Variants in ANKDD1B observed in about 807,000 individuals in gnomAD.
The protein encoded by ANKDD1B is ankyrin repeat and death domain containing 1B.
ANKDD1B carries 57 observed loss-of-function variants against 59.7 expected under a neutral mutation model. The ratio of observed to expected loss-of-function variants is 0.95; its 90% CI spans 0.77 to 1.19. The LOEUF (loss-of-function observed/expected upper bound fraction) is 1.19, where lower values mean the gene tolerates loss of function less well. Among genes scored for constraint, ANKDD1B ranks in the 50% most tolerant of loss-of-function variants. The pLI is 0.00. For missense variants in ANKDD1B, 602 were observed against 641.9 expected (o/e 0.94, Z 0.67); for synonymous variants, 216 against 239.5 (o/e 0.90, Z 0.91).
In ANKDD1B at chr5:75,669,281, A is replaced by C; in HGVS notation, c.1423A>C (p.Arg475=). 8.1e-7 allele frequency: 1 copy of C among 1,232,162 alleles called. No homozygotes were observed. The highest frequency in any genetic ancestry group is 3.2e-5 in the East Asian group (1 of 31,714). The allele number at this position is 1,232,162 out of a possible 1,614,324, so 76.3% of individuals were successfully genotyped here. The part of the protein sequence containing the change: ...GNESFREHGH[R]ALLIWLHGTL... ...TGAAAGCTTCCGTGAACATGGCCAC[A>C]GGGCTCTGCTTATCTGGCTACACGG... The change falls in exon 13 of 14, where the codon AGG becomes CGG. Residue 475 remains arginine (R), a synonymous_variant. Transcript: ENST00000601380.
At chr5:75,612,640 C>A (rs987763093) in intron 1 of ANKDD1B, among the ~76,000 whole-genome samples, 9 of 152,066 alleles carry the variant, frequency 5.9e-5, no homozygotes, top group Non-Finnish European at 1.2e-4. Context: ...TTGGAGAGAA[C>A]AAGACAACCC....
At chr5:75,662,605 AT>A (rs983873430) in intron 10 of ANKDD1B, among the ~76,000 whole-genome samples, 61 of 152,244 alleles carry the variant, frequency 4.0e-4, no homozygotes, top group African/African-American at 1.4e-3. Flanking sequence ...AAATATTTAG[AT>A]GTTGAAGTGG....
At chr5:75,620,763 A>C (rs752481729) in intron 3 of ANKDD1B, among the ~76,000 whole-genome samples, 3 of 152,220 alleles carry the variant, frequency 2.0e-5, no homozygotes, top group Non-Finnish European at 4.4e-5. Flanking sequence ...ACTTTGCTCT[A>C]TGAACTCTGA....
chr5:75,618,282 G>C (rs1773764444), intron 2 of ANKDD1B, among the ~76,000 whole-genome samples: 2 of 152,176 alleles, frequency 1.3e-5, no homozygotes, highest in South Asian at 2.1e-4. Flanking sequence ...AAGGTTAACT[G>C]TGGGAGTAAG....
At chr5:75,632,912 G>A (rs772792097) in intron 5 of ANKDD1B, among the ~76,000 whole-genome samples, 9 of 152,202 alleles carry the variant, frequency 5.9e-5, no homozygotes, top group South Asian at 2.1e-4. Context: ...ATTCATAGGC[G>A]CTCAACAATT....
chr5:75,626,081 T>C (rs1773989838), intron 5 of ANKDD1B, 126 bp downstream of exon 5: 7 of 666,180 alleles, frequency 1.1e-5, no homozygotes, highest in Non-Finnish European at 1.8e-5. Flanking sequence ...GGCTCCTCCA[T>C]CACCATGGCA....
chr5:75,626,654 G>C (rs1047085901), intron 5 of ANKDD1B, among the ~76,000 whole-genome samples: 2 of 152,344 alleles, frequency 1.3e-5, no homozygotes, highest in African/African-American at 4.8e-5. Flanking sequence ...AAAAGTGAGA[G>C]CCAGGACTTG....
chr5:75,618,197 C>T (rs1773762448), intron 2 of ANKDD1B, among the ~76,000 whole-genome samples: 1 of 151,986 alleles, frequency 6.6e-6, no homozygotes, highest in Admixed American at 6.6e-5. Context: ...ATAAGCAAGT[C>T]TCTTTGAAGG....
At chr5:75,624,445 C>T (rs577481725) in intron 3 of ANKDD1B, among the ~76,000 whole-genome samples, 9 of 152,266 alleles carry the variant, frequency 5.9e-5, no homozygotes, top group Admixed American at 5.9e-4. Context: ...TGCTTCCTTC[C>T]ACACTTTTCT....
At chr5:75,635,529 G>T in intron 6 of ANKDD1B, 1 of 321,848 alleles carries the variant, frequency 3.1e-6, no homozygotes, top group Non-Finnish European at 5.6e-6. Context: ...TCCATGTTTT[G>T]CTAGCAATTG....
chr5:75,625,798 G>C lies in ANKDD1B; in HGVS notation c.495+53G>C, dbSNP rs1312111166. 2.0e-6 allele frequency: 3 copies of C among 1,529,044 alleles called. No homozygotes were observed. The East Asian group carries it at 7.3e-5, about 37-fold the overall frequency. 94.7% of individuals were successfully genotyped at this position (1,529,044 alleles called of 1,614,324 possible). A position where few individuals can be genotyped will look rare whatever the true frequency, so the allele number is the denominator to read the frequency against. On this transcript the variant is annotated intron_variant, in intron 4 of 13. Coordinates refer to ENST00000601380, the MANE Select transcript of ANKDD1B (RefSeq NM_001276713.2). Reference sequence around the variant, plus strand: ...AAGCTCTTACCTCACCATTGCAGGAGAGAGGAAGTTCTGAGGTCACTGTCT... The same window carrying C: ...AAGCTCTTACCTCACCATTGCAGGACAGAGGAAGTTCTGAGGTCACTGTCT...
At chr5:75,649,385 T>C (rs1774760462) in intron 7 of ANKDD1B, among the ~76,000 whole-genome samples, 1 of 152,176 alleles carries the variant, frequency 6.6e-6, no homozygotes, top group African/African-American at 2.4e-5. Context: ...TTATGAATAT[T>C]ACATTTAACA....
intron 7 of ANKDD1B, among the ~76,000 whole-genome samples, chr5:75,641,043 A>G (rs183900185): frequency 6.6e-6 from 1 of 152,332 alleles, no homozygotes; most frequent in Admixed American, 6.5e-5. Flanking sequence ...ACGCTGAAAA[A>G]AAAGTTTATT....
chr5:75,612,716 A>G (rs936401494), intron 1 of ANKDD1B, among the ~76,000 whole-genome samples: 8 of 152,126 alleles, frequency 5.3e-5, no homozygotes, highest in South Asian at 4.1e-4. Context: ...ACGCAAATAA[A>G]TGAATAAGAT....
In ANKDD1B at chr5:75,666,896, G is replaced by C. The variant is rs956557462; in HGVS notation, c.1296G>C (p.Leu432=). 4 of 1,533,820 alleles carry C rather than the reference G, an allele frequency of 2.6e-6. No homozygotes were observed. Among genetic ancestry groups the C allele is most frequent in the Non-Finnish European group, 3.5e-6 (4 of 1,146,170 alleles). ...ACATTCGCACGCTTCTCTGGGACCT[G>C]GCTTACCATCAGCTGAAGGCCAATG... ...TRHIRTLLWD[L]AYHQLKANEW... The change falls in exon 12 of 14, where the codon CTG becomes CTC. Residue 432 remains leucine (L), a synonymous_variant. Coordinates refer to ENST00000601380, the MANE Select transcript of ANKDD1B (RefSeq NM_001276713.2).
At chr5:75,648,311 G>A (rs913583062) in intron 7 of ANKDD1B, among the ~76,000 whole-genome samples, 11 of 142,540 alleles carry the variant, frequency 7.7e-5, no homozygotes, top group African/African-American at 2.6e-4. Flanking sequence ...GAAATATTCA[G>A]AATGTGGAGA....
chr5:75,639,619 T>C (rs1374309475), intron 7 of ANKDD1B, among the ~76,000 whole-genome samples: 1 of 152,220 alleles, frequency 6.6e-6, no homozygotes, highest in Non-Finnish European at 1.5e-5. Context: ...CCTGTTAACA[T>C]GATTGTTTAT....
At chr5:75,616,943 C>A in intron 2 of ANKDD1B, 36 bp downstream of exon 2, 1 of 948,796 alleles carries the variant, frequency 1.1e-6, no homozygotes, top group South Asian at 1.5e-5. Context: ...AGTGACTTCT[C>A]CAGTAATGGC....
In ANKDD1B at chr5:75,670,992, T is replaced by C. The variant is rs544077680; in HGVS notation, c.1539T>C (p.His513=). 5.7e-6 allele frequency: 7 copies of C among 1,229,122 alleles called. No individual in the cohort carries two copies. Among genetic ancestry groups the C allele is most frequent in the Non-Finnish European group, 7.1e-6 (7 of 985,394 alleles). 76.1% of individuals were successfully genotyped at this position (1,229,122 alleles called of 1,614,324 possible). A position where few individuals can be genotyped will look rare whatever the true frequency, so the allele number is the denominator to read the frequency against. Residue 513 remains histidine, a synonymous_variant, in exon 14 of 14, where the codon CAT becomes CAC. Coordinates refer to ENST00000601380, the MANE Select transcript of ANKDD1B (RefSeq NM_001276713.2). The part of the protein sequence containing the change: ...GFPKLAEKTR[H]FKSKTDSNSK... ...TATTTTTTCCAGAAAAGACTCGTCA[T>C]TTCAAAAGCAAAACTGACTCAAACT...
Sources: allele counts gnomAD v4.1 joint callset (sites outside exome capture counted in the v4.1 genomes callset), GRCh38; gene constraint gnomAD v4.1.1; transcripts MANE v1.5; gene names NCBI Gene and HGNC (gene_info 2026-07-23, HGNC 2026-07-21).